Variants in FSTL5 observed in about 807,000 individuals in gnomAD.
The protein encoded by FSTL5 is follistatin-related protein 5.
In FSTL5, 62 loss-of-function variants were observed where a neutral mutation model predicts 89.1. The observed-to-expected ratio is 0.70, with a 90% confidence interval of 0.57 to 0.86. The LOEUF (loss-of-function observed/expected upper bound fraction) is 0.86. Ranked by LOEUF, FSTL5 falls within the 40% of genes least tolerant of loss-of-function variation. The pLI is 0.00. For synonymous variants in FSTL5, 383 were observed against 346.2 expected (o/e 1.11, Z -1.18); for missense variants, 1,057 against 1,001.6 (o/e 1.06, Z -0.75).
At chr4:161,888,803 T>G (rs1732895322) in intron 4 of FSTL5, among the ~76,000 whole-genome samples, 1 of 152,094 alleles carries the variant, frequency 6.6e-6, no homozygotes, top group Admixed American at 6.6e-5. Context: ...CAGTGATGAT[T>G]AATTTCAATT....
chr4:161,974,525 G>C (rs375977628), intron 3 of FSTL5, among the ~76,000 whole-genome samples: 1 of 130,284 alleles, frequency 7.7e-6, no homozygotes, highest in Admixed American at 8.1e-5. Flanking sequence ...TTAATAAATG[G>C]TGCTGGGAAA....
At chr4:161,830,183 A>T (rs540444410) in intron 4 of FSTL5, among the ~76,000 whole-genome samples, 2 of 152,166 alleles carry the variant, frequency 1.3e-5, no homozygotes, top group African/African-American at 4.8e-5. Flanking sequence ...ATACAAAACA[A>T]TTGGTCCATC....
At chr4:161,781,618 A>G (rs563870936) in intron 4 of FSTL5, among the ~76,000 whole-genome samples, 1 of 152,254 alleles carries the variant, frequency 6.6e-6, no homozygotes, top group Admixed American at 6.5e-5. Context: ...TACAAAATTG[A>G]CCAGAACTTA....
chr4:161,394,511 G>A (rs1337033582), intron 15 of FSTL5, among the ~76,000 whole-genome samples: 11 of 152,104 alleles, frequency 7.2e-5, no homozygotes, highest in African/African-American at 2.7e-4. Flanking sequence ...CCCTGACCTC[G>A]TGATCTGTGT....
At chr4:161,602,793 C>T (rs1368634386) in intron 7 of FSTL5, among the ~76,000 whole-genome samples, 1 of 151,918 alleles carries the variant, frequency 6.6e-6, no homozygotes. Flanking sequence ...AGCTGTCAGC[C>T]CAGAATGTCA....
At chr4:162,091,178 G>C (rs1418800841) in intron 2 of FSTL5, among the ~76,000 whole-genome samples, 1 of 151,992 alleles carries the variant, frequency 6.6e-6, no homozygotes, top group African/African-American at 2.4e-5. Context: ...CAGCCACCCT[G>C]CCCCCTAAGA....
chr4:162,093,522 G>T (rs1730633404), intron 2 of FSTL5, among the ~76,000 whole-genome samples: 1 of 152,090 alleles, frequency 6.6e-6, no homozygotes, highest in African/African-American at 2.4e-5. Flanking sequence ...TGGGATTAAG[G>T]AGAGATAAAA....
chr4:161,386,319 C>G lies in FSTL5; in HGVS notation c.1972G>C (p.Gly658Arg), dbSNP rs1356826164. 1 of 1,613,866 alleles carries G rather than the reference C, an allele frequency of 6.2e-7. No homozygotes were observed. The highest frequency in any genetic ancestry group is 1.7e-5 in the Admixed American group (1 of 59,962). Residue 658 changes from glycine to arginine, a missense_variant, in exon 16 of 16, where the codon GGA becomes CGA. Physicochemically the swap from Gly to Arg is moderately radical, Grantham distance 125. Transcript: ENST00000306100. ...VPQSLAYTHL[G>R]GYYFIGCKPD... ...TTGCAGCCAATGAAGTAGTAGCCTCCCAAGTGTGTATATGCCAATGACTGA... is the reference window on the plus strand; with the variant it reads ...TTGCAGCCAATGAAGTAGTAGCCTCGCAAGTGTGTATATGCCAATGACTGA...
intron 13 of FSTL5, among the ~76,000 whole-genome samples, chr4:161,476,897 C>A (rs1354345942): frequency 6.6e-6 from 1 of 152,144 alleles, no homozygotes; most frequent in Non-Finnish European, 1.5e-5. Context: ...TAAAGGACAG[C>A]ATCATTTTTG....
At chr4:162,104,431 G>C (rs1166921244) in intron 2 of FSTL5, among the ~76,000 whole-genome samples, 1 of 152,142 alleles carries the variant, frequency 6.6e-6, no homozygotes, top group African/African-American at 2.4e-5. Context: ...GAAGCGGCCC[G>C]CCACCATCTT....
At chr4:161,766,261 G>T (rs1740995116) in intron 5 of FSTL5, among the ~76,000 whole-genome samples, 1 of 148,162 alleles carries the variant, frequency 6.7e-6, no homozygotes, top group Non-Finnish European at 1.5e-5. Flanking sequence ...ATGGGGAAAG[G>T]GCTAAGAAGC....
chr4:161,720,456 C>T (rs897547138), intron 6 of FSTL5, among the ~76,000 whole-genome samples: 1 of 151,914 alleles, frequency 6.6e-6, no homozygotes, highest in African/African-American at 2.4e-5. Flanking sequence ...GCATGGAGAT[C>T]AGTCAAAAAA....
At chr4:161,620,111 T>C (rs1735064385) in intron 7 of FSTL5, among the ~76,000 whole-genome samples, 2 of 145,244 alleles carry the variant, frequency 1.4e-5, no homozygotes, top group Non-Finnish European at 3.0e-5. Flanking sequence ...CCACCGCATA[T>C]TCTCACTCAT....
intron 3 of FSTL5, among the ~76,000 whole-genome samples, chr4:161,954,829 G>A (rs359516): frequency 0.25 from 37,370 of 151,336 alleles, 5,392 homozygotes; most frequent in African/African-American, 0.41. Context: ...ATCATATAAT[G>A]AACTAAATTG....
At chr4:161,633,435 C>A (rs28637134) in intron 7 of FSTL5, among the ~76,000 whole-genome samples, 37,401 of 151,462 alleles carry the variant, frequency 0.25, 5,395 homozygotes, top group African/African-American at 0.39. Flanking sequence ...CAACCTCTGC[C>A]TCCCGGGTTC....
At chr4:161,860,186 G>A (rs1373117721) in intron 4 of FSTL5, among the ~76,000 whole-genome samples, 2 of 152,074 alleles carry the variant, frequency 1.3e-5, no homozygotes, top group South Asian at 2.1e-4. Flanking sequence ...TACTCGGGAG[G>A]CTGAGGCAGG....
intron 3 of FSTL5, among the ~76,000 whole-genome samples, chr4:161,924,994 T>C (rs1338909857): frequency 6.6e-6 from 1 of 151,856 alleles, no homozygotes; most frequent in Non-Finnish European, 1.5e-5. Flanking sequence ...TTTGAGTCTT[T>C]GCTTTTCTGT....
intron 4 of FSTL5, among the ~76,000 whole-genome samples, chr4:161,802,616 C>A (rs1729833875): frequency 6.6e-6 from 1 of 151,526 alleles, no homozygotes; most frequent in African/African-American, 2.4e-5. Flanking sequence ...TGCTCTTCTG[C>A]ATTTTGAATA....
intron 7 of FSTL5, among the ~76,000 whole-genome samples, chr4:161,629,965 T>C (rs1035010035): frequency 1.3e-5 from 2 of 152,338 alleles, no homozygotes; most frequent in South Asian, 4.1e-4. Flanking sequence ...CATTCTCTTA[T>C]GCATATCTTC....
Sources: gnomAD v4.1 joint callset for allele counts (sites outside exome capture counted in the v4.1 genomes callset) on GRCh38, gnomAD v4.1.1 for gene constraint, MANE v1.5 for transcripts, NCBI Gene and HGNC (gene_info 2026-07-23, HGNC 2026-07-21) for gene names.